The following CEP85L variants were observed in gnomAD, a reference collection of about 807,000 sequenced individuals.
CEP85L encodes the protein centrosomal protein 85L.
In CEP85L, 60 loss-of-function variants were observed where a neutral mutation model predicts 100.3. The observed-to-expected ratio is 0.60, with a 90% CI of 0.49 to 0.74. The LOEUF (loss-of-function observed/expected upper bound fraction) is 0.74, where lower values mean the gene tolerates loss of function less well. Ranked by LOEUF, CEP85L falls within the 30% of genes least tolerant of loss-of-function variation. CEP85L has a pLI of 0.00. For missense variants in CEP85L, 973 were observed against 936.2 expected, an observed-to-expected ratio of 1.04 and a Z score of -0.51; for synonymous variants, 319 against 322.7, an observed-to-expected ratio of 0.99 and a Z score of 0.12.
intron 2 of CEP85L, among the ~76,000 whole-genome samples, chr6:118,618,518 A>G (rs1773223318): frequency 1.3e-5 from 2 of 152,148 alleles, no homozygotes; most frequent in African/African-American, 4.8e-5. Flanking sequence ...CCCCAGATGA[A>G]TTTCCTTTTT....
chr6:118,663,449 G>A (rs1776036888), intron 1 of CEP85L, among the ~76,000 whole-genome samples: 1 of 152,162 alleles, frequency 6.6e-6, no homozygotes, highest in Non-Finnish European at 1.5e-5. Context: ...TGGCTATGTA[G>A]CAATTTGAGT....
intron 1 of CEP85L, among the ~76,000 whole-genome samples, chr6:118,680,771 G>A (rs765959955): frequency 3.9e-5 from 6 of 152,032 alleles, no homozygotes; most frequent in South Asian, 2.1e-4. Context: ...CTGCTACTCC[G>A]GAGGCTGAGG....
intron 2 of CEP85L, among the ~76,000 whole-genome samples, chr6:118,592,329 C>CTT (rs34976343): frequency 1.1e-3 from 129 of 121,648 alleles, no homozygotes; most frequent in Non-Finnish European, 1.3e-3. Flanking sequence ...TCCTCTAGGT[C>CTT]TTTTTTTTTT....
chr6:118,515,441 C>T (rs1776216497), intron 4 of CEP85L, among the ~76,000 whole-genome samples: 1 of 152,154 alleles, frequency 6.6e-6, no homozygotes, highest in Non-Finnish European at 1.5e-5. Flanking sequence ...GCAGAATACA[C>T]ACCCTCTTCA....
intron 4 of CEP85L, among the ~76,000 whole-genome samples, chr6:118,518,045 T>C (rs1240105599): frequency 6.6e-6 from 1 of 152,184 alleles, no homozygotes; most frequent in East Asian, 1.9e-4. Context: ...TTGATATGCG[T>C]ATGTTGAACC....
chr6:118,605,954 C>G (rs532409619), intron 2 of CEP85L, among the ~76,000 whole-genome samples: 2 of 143,558 alleles, frequency 1.4e-5, no homozygotes, highest in African/African-American at 5.2e-5. Context: ...GCAGAGGTTG[C>G]GGTGAGCCAA....
chr6:118,659,971 T>A (rs554344394), intron 1 of CEP85L, among the ~76,000 whole-genome samples: 11 of 152,382 alleles, frequency 7.2e-5, no homozygotes, highest in African/African-American at 2.6e-4. Flanking sequence ...ATAATTTTTT[T>A]AAAAGAATTT....
rs1445712735 is a variant in CEP85L at position 118,523,864 on chromosome 6, C to G, written c.1077G>C (p.Lys359Asn). Residue 359 changes from lysine (K) to asparagine (N), a missense_variant, in exon 4 of 13, where the codon AAG becomes AAC. Physicochemically the swap from Lys to Asn is moderately conservative, Grantham distance 94 (BLOSUM62 0). Transcript: ENST00000368491. ...CTTTTATTTTCAACATTGATTCCCACTTACTGAAATCCTGATAGCCAGGTG... is the reference window on the plus strand; with the variant it reads ...CTTTTATTTTCAACATTGATTCCCAGTTACTGAAATCCTGATAGCCAGGTG... ...SYSPGYQDFS[K>N]WESMLKIKEG... The G allele has an allele frequency of 6.2e-7, 1 of 1,610,186 alleles. No homozygotes were observed. Among genetic ancestry groups the G allele is most frequent in the Middle Eastern group, 1.7e-4 (1 of 6,048 alleles).
intron 5 of CEP85L, chr6:118,502,388 G>A: frequency 1.9e-6 from 1 of 525,756 alleles, no homozygotes; most frequent in Non-Finnish European, 3.6e-6. Context: ...ATAGTTTGCT[G>A]GATGTTTTAA....
chr6:118,611,223 T>C (rs1470610309), intron 2 of CEP85L, among the ~76,000 whole-genome samples: 1 of 152,130 alleles, frequency 6.6e-6, no homozygotes, highest in African/African-American at 2.4e-5. Context: ...TCTTTTATCA[T>C]AAATGAGGGA....
chr6:118,551,928 G>C (rs1778570853), intron 3 of CEP85L, among the ~76,000 whole-genome samples: 1 of 151,890 alleles, frequency 6.6e-6, no homozygotes, highest in Non-Finnish European at 1.5e-5. Flanking sequence ...ATGATGAACT[G>C]TCCTAATTTA....
intron 3 of CEP85L, among the ~76,000 whole-genome samples, chr6:118,526,009 A>T (rs1776940779): frequency 6.6e-6 from 1 of 152,228 alleles, no homozygotes; most frequent in Non-Finnish European, 1.5e-5. Flanking sequence ...TTAGGATGGG[A>T]TGTTTCATGC....
At chr6:118,639,209 T>C (rs1774705357) in intron 1 of CEP85L, among the ~76,000 whole-genome samples, 1 of 152,172 alleles carries the variant, frequency 6.6e-6, no homozygotes, top group South Asian at 2.1e-4. Flanking sequence ...CATTTTAACA[T>C]CTCTGAAATA....
chr6:118,652,811 G>T, upstream of CEP85L: 1 of 1,219,344 alleles, frequency 8.2e-7, no homozygotes, highest in South Asian at 1.4e-5. Context: ...AGCTGTTTCT[G>T]ATGATAAAAA....
intron 1 of CEP85L, among the ~76,000 whole-genome samples, chr6:118,684,449 A>G (rs554024046): frequency 6.6e-6 from 1 of 152,226 alleles, no homozygotes; most frequent in East Asian, 1.9e-4. Flanking sequence ...GTTCAAGGTT[A>G]CAATGAGCTA....
At chr6:118,603,617 A>T (rs1029814069) in intron 2 of CEP85L, among the ~76,000 whole-genome samples, 1 of 152,204 alleles carries the variant, frequency 6.6e-6, no homozygotes. Context: ...AGTTTTCTTG[A>T]CTCTGAAAAA....
chr6:118,558,626 T>TACACACACACACACAC (rs371775061), intron 3 of CEP85L, among the ~76,000 whole-genome samples: 23 of 111,660 alleles, frequency 2.1e-4, no homozygotes, highest in African/African-American at 6.5e-4. Flanking sequence ...CACGTGCACA[T>TACACACACACACACAC]ACACACACAC....
chr6:118,503,543 A>G (rs779402315), intron 5 of CEP85L, among the ~76,000 whole-genome samples: 12 of 152,208 alleles, frequency 7.9e-5, no homozygotes, highest in Admixed American at 2.0e-4. Context: ...AAGACTTATA[A>G]TAAGGCTACA....
At chr6:118,628,666 A>G (rs1773958635) in intron 2 of CEP85L, among the ~76,000 whole-genome samples, 1 of 151,724 alleles carries the variant, frequency 6.6e-6, no homozygotes, top group Admixed American at 6.6e-5. Context: ...ACAAACAAAC[A>G]AACAAAACAC....
Sources: gnomAD v4.1 joint callset for allele counts (sites outside exome capture counted in the v4.1 genomes callset) on GRCh38, gnomAD v4.1.1 for gene constraint, MANE v1.5 for transcripts, NCBI Gene and HGNC (gene_info 2026-07-23, HGNC 2026-07-21) for gene names.